The following PAPPA2 variants were observed in gnomAD, a reference collection of about 807,000 sequenced individuals.
The protein encoded by PAPPA2 is pappalysin-2.
In PAPPA2, 86 loss-of-function variants were observed where a neutral mutation model predicts 176.4. That is an observed-to-expected ratio of 0.49 (90% confidence interval 0.41 to 0.58). The LOEUF is 0.58. Ranked by LOEUF, PAPPA2 falls within the 20% of genes least tolerant of loss-of-function variation. The pLI is 0.00. For synonymous variants in PAPPA2, 809 were observed against 852.2 expected (o/e 0.95, Z 0.88); for missense variants, 2,073 against 2,256.9 (o/e 0.92, Z 1.65).
chr1:176,812,811 A>G (rs1288441009), intron 21 of PAPPA2, among the ~76,000 whole-genome samples: 3 of 151,864 alleles, frequency 2.0e-5, no homozygotes, highest in African/African-American at 2.4e-5. Context: ...TTAAGGGTAC[A>G]TGTGCAGGAA....
intron 17 of PAPPA2, among the ~76,000 whole-genome samples, chr1:176,772,291 CTT>C (rs1664265078): frequency 2.6e-5 from 4 of 152,196 alleles, no homozygotes; most frequent in African/African-American, 7.2e-5. Context: ...TTACCTAGCA[CTT>C]AGTTGAAAGC....
At chr1:176,490,831 C>T (rs1647247601) in intron 1 of PAPPA2, among the ~76,000 whole-genome samples, 1 of 152,158 alleles carries the variant, frequency 6.6e-6, no homozygotes, top group Non-Finnish European at 1.5e-5. Flanking sequence ...GGTAGGAGCC[C>T]ACAGTCTAGC....
chr1:176,533,596 T>C (rs993183589), intron 1 of PAPPA2, among the ~76,000 whole-genome samples: 25 of 152,380 alleles, frequency 1.6e-4, no homozygotes, highest in Non-Finnish European at 2.8e-4. Flanking sequence ...CCCTGCCACT[T>C]CTACAGCCAT....
chr1:176,807,894 T>C (rs1171093327), intron 21 of PAPPA2, among the ~76,000 whole-genome samples: 5 of 152,200 alleles, frequency 3.3e-5, no homozygotes, highest in Non-Finnish European at 7.3e-5. Context: ...TGATGCCGTG[T>C]TCTGTGAAAG....
intron 1 of PAPPA2, among the ~76,000 whole-genome samples, chr1:176,530,004 TCAA>T (rs1304492608): frequency 6.6e-6 from 1 of 152,124 alleles, no homozygotes; most frequent in East Asian, 1.9e-4. Flanking sequence ...GCTAAAAACC[TCAA>T]CAACATTACT....
intron 1 of PAPPA2, among the ~76,000 whole-genome samples, chr1:176,505,085 G>T (rs1648182242): frequency 1.3e-5 from 2 of 152,060 alleles, no homozygotes; most frequent in Admixed American, 1.3e-4. Context: ...TTCCTGTTGT[G>T]AAATGGCTTT....
In PAPPA2 at chr1:176,477,812, G is replaced by T. The variant is rs145243130; in HGVS notation, c.-917+14394G>T. 2.7e-3 allele frequency among the ~76,000 whole-genome samples: 417 copies of T among 151,974 alleles called. 12 individuals carry two copies. In the South Asian group the frequency reaches 0.052, roughly 19 times the overall value. ...AAATAAAATAAAATATGCTGGCCTAGACATACAAAATTACTTTTATGACCC... is the reference window on the plus strand; with the variant it reads ...AAATAAAATAAAATATGCTGGCCTATACATACAAAATTACTTTTATGACCC... On this transcript the variant is annotated intron_variant, in intron 1 of 22. Coordinates refer to ENST00000367662, the MANE Select transcript of PAPPA2 (RefSeq NM_020318.3).
At chr1:176,727,373 TACC>T (rs1477944660) in intron 12 of PAPPA2, among the ~76,000 whole-genome samples, 2 of 152,140 alleles carry the variant, frequency 1.3e-5, no homozygotes, top group East Asian at 3.8e-4. Context: ...AAAAATTATG[TACC>T]ATGTATATCC....
At chr1:176,810,560 A>G (rs1221004488) in intron 21 of PAPPA2, among the ~76,000 whole-genome samples, 1 of 152,208 alleles carries the variant, frequency 6.6e-6, no homozygotes, top group Non-Finnish European at 1.5e-5. Context: ...TACAGGAGGC[A>G]GATCCAGGCT....
Position 176,760,891 on chromosome 1 carries a change from G to A in PAPPA2, c.4152-4775G>A, listed in dbSNP as rs142253728. ...GGCTGGAGTGCAGTGGAGCAATCTCGGCTCACTGCAAGCTCTACCTCCTGG... is the reference window on the plus strand; with the variant it reads ...GGCTGGAGTGCAGTGGAGCAATCTCAGCTCACTGCAAGCTCTACCTCCTGG... On this transcript the variant is annotated intron_variant, in intron 14 of 22. Coordinates refer to ENST00000367662, the MANE Select transcript of PAPPA2 (RefSeq NM_020318.3). 3.8e-4 allele frequency among the ~76,000 whole-genome samples: 58 copies of A among 152,010 alleles called. No homozygotes were observed. The East Asian group carries it at 8.9e-3, about 23-fold the overall frequency.
rs1558460853 is a variant in PAPPA2, at chr1:176,595,319, TCCA to T, written c.1717_1719del (p.His573del). 2 of 1,614,032 alleles carry T rather than the reference TCCA, an allele frequency of 1.2e-6. No homozygotes were observed. The highest frequency in any genetic ancestry group is 1.7e-6 in the Non-Finnish European group (2 of 1,180,010). ...AGCTGGCAGCTGAGCGTCCACCAGG[TCCA>T]CAATTCCACCCTGCGACACCGGGTT... is the stretch of plus-strand genomic sequence containing the variant. On this transcript the variant is annotated inframe_deletion, in exon 3 of 23. Coordinates refer to ENST00000367662, the MANE Select transcript of PAPPA2 (RefSeq NM_020318.3).
chr1:176,517,283 A>C (rs376980407), intron 1 of PAPPA2, among the ~76,000 whole-genome samples: 1 of 152,178 alleles, frequency 6.6e-6, no homozygotes, highest in African/African-American at 2.4e-5. Context: ...AGGTGGAAGG[A>C]GGAAAGCATG....
intron 19 of PAPPA2, 98 bp downstream of exon 19, chr1:176,791,580 G>T (rs1306821185): frequency 1.5e-6 from 2 of 1,374,564 alleles, no homozygotes; most frequent in African/African-American, 2.9e-5. Context: ...GTCAGACGGA[G>T]TCTTGCTCTG....
chr1:176,608,467 C>T (rs759642604), intron 3 of PAPPA2, among the ~76,000 whole-genome samples: 9 of 152,124 alleles, frequency 5.9e-5, no homozygotes, highest in South Asian at 2.1e-4. Context: ...TATGAATTTG[C>T]GGTGCAAATC....
chr1:176,770,479 G>A (rs562992313), intron 16 of PAPPA2, among the ~76,000 whole-genome samples: 8 of 152,254 alleles, frequency 5.3e-5, no homozygotes, highest in African/African-American at 9.6e-5. Flanking sequence ...GCAAGTTACC[G>A]ATCCCCAATT....
chr1:176,483,333 G>A (rs1558395192), intron 1 of PAPPA2, among the ~76,000 whole-genome samples: 3 of 151,964 alleles, frequency 2.0e-5, no homozygotes, highest in African/African-American at 2.4e-5. Flanking sequence ...TATTGGTTAA[G>A]AGAAGAGGTA....
At chr1:176,829,016 A>G (rs1420765511) in intron 21 of PAPPA2, among the ~76,000 whole-genome samples, 1 of 152,040 alleles carries the variant, frequency 6.6e-6, no homozygotes, top group Non-Finnish European at 1.5e-5. Context: ...AAAATAAATA[A>G]ATAAATAAAT....
intron 1 of PAPPA2, among the ~76,000 whole-genome samples, chr1:176,519,757 C>G (rs1455248117): frequency 1.3e-5 from 2 of 152,180 alleles, no homozygotes; most frequent in Non-Finnish European, 2.9e-5. Context: ...ATCACAAACC[C>G]TCCACATTTG....
chr1:176,610,736 T>C (rs1489830242), intron 3 of PAPPA2, among the ~76,000 whole-genome samples: 1 of 152,148 alleles, frequency 6.6e-6, no homozygotes, highest in East Asian at 1.9e-4. Flanking sequence ...CTAATATAGG[T>C]TTTCACTTTC....
Sources: allele counts gnomAD v4.1 joint callset (sites outside exome capture counted in the v4.1 genomes callset), GRCh38; gene constraint gnomAD v4.1.1; transcripts MANE v1.5; gene names NCBI Gene and HGNC (gene_info 2026-07-23, HGNC 2026-07-21).